TWF1: variants seen among roughly 807,000 people sequenced by gnomAD.
The protein encoded by TWF1 is twinfilin-1.
A neutral mutation model predicts 47.9 loss-of-function variants in TWF1; 14 were observed. That is an observed-to-expected ratio of 0.29 (90% CI 0.19 to 0.46). The LOEUF is 0.46. Among genes scored for constraint, TWF1 ranks in the 20% least tolerant of loss-of-function variants. The pLI is 1.00. For missense variants in TWF1, 281 were observed against 409.3 expected (o/e 0.69, Z 2.70); for synonymous variants, 96 against 139.2 (o/e 0.69, Z 2.18).
At chr12:43,795,808 A>G (rs369953983) in intron 8 of TWF1, 53 bp from the exon 9 acceptor site, 1 of 1,587,328 alleles carries the variant, frequency 6.3e-7, no homozygotes. Flanking sequence ...ACAAGCAACA[A>G]GCTGGTTTTC....
intron 5 of TWF1, chr12:43,798,492 AAATG>A (rs1287035219): frequency 4.5e-5 from 63 of 1,414,800 alleles, no homozygotes; most frequent in South Asian, 1.4e-4. Context: ...ACTTTTAAAA[AAATG>A]AATGGAGATT....
intron 5 of TWF1, among the ~76,000 whole-genome samples, chr12:43,798,772 G>A (rs904976084): frequency 1.3e-5 from 2 of 152,000 alleles, no homozygotes; most frequent in African/African-American, 2.4e-5. Flanking sequence ...AATGAACAGT[G>A]GTTTCAGCTA....
In TWF1 at chr12:43,797,817, C is replaced by T. The variant is rs745493693; in HGVS notation, c.500G>A (p.Gly167Asp). 9.9e-6 allele frequency: 16 copies of T among 1,613,108 alleles called. No homozygotes were observed. The highest frequency in any genetic ancestry group is 1.6e-4 in the Middle Eastern group (1 of 6,078). ...TAGTGTTTGATGCTTAGTGTCCACA[C>T]CCACGTCAGTCTGTACCTAAGTATG... ...IKINEVQTDV[G>D]VDTKHQTLQG... Residue 167 changes from glycine to aspartate, a missense_variant, in exon 6 of 9, where the codon GGT becomes GAT. Transcript: ENST00000395510.
chr12:43,803,465 A>G (rs1158628005), intron 2 of TWF1, among the ~76,000 whole-genome samples: 1 of 152,146 alleles, frequency 6.6e-6, no homozygotes, highest in African/African-American at 2.4e-5. Context: ...GGGGAGATAT[A>G]GGTATTTATG....
rs2138147326 is a variant in TWF1, at chr12:43,802,603, G to A, written c.104-139C>T. 3 of 649,694 alleles carry A rather than the reference G, an allele frequency of 4.6e-6. No individual in the cohort carries two copies. In the South Asian group the frequency reaches 6.4e-5, roughly 14 times the overall value. 40.2% of individuals were successfully genotyped at this position (649,694 alleles called of 1,614,324 possible). A position where few individuals can be genotyped will look rare whatever the true frequency, so the allele number is the denominator to read the frequency against. ...TCAAAAAGTTGAAAAGAAAAATGTGGTAACATAGAAAGTAATTATGACATA... is the reference window on the plus strand; with the variant it reads ...TCAAAAAGTTGAAAAGAAAAATGTGATAACATAGAAAGTAATTATGACATA... On this transcript the variant is annotated intron_variant, in intron 2 of 8. Coordinates refer to ENST00000395510, the MANE Select transcript of TWF1 (RefSeq NM_002822.5).
chr12:43,805,440 A>G (rs1417665251), intron 1 of TWF1: 1 of 415,036 alleles, frequency 2.4e-6, no homozygotes, highest in Non-Finnish European at 4.9e-6. Context: ...TATTAACAGT[A>G]AGAGCTTGAG....
At position 43,794,684 on chromosome 12, in the gene TWF1, A is replaced by C. The variant is rs1425607126; in HGVS notation, c.*901T>G. The C allele has an allele frequency of 6.6e-6, 1 of 151,840 alleles. No individual in the cohort carries two copies. The highest frequency in any genetic ancestry group is 1.5e-5 in the Non-Finnish European group (1 of 67,956). The allele number at this position is 151,840 out of a possible 1,614,324, so 9.4% of individuals were successfully genotyped here. ...AATACAGTATTAACTGAGATTATTA[A>C]GGTGTTTATCTACGTTAGCCTGTTA... On this transcript the variant is annotated 3_prime_UTR_variant, in exon 9 of 9. Transcript: ENST00000395510.
intron 1 of TWF1, 117 bp from the exon 2 acceptor site, chr12:43,804,689 A>C: frequency 1.7e-6 from 1 of 591,598 alleles, no homozygotes; most frequent in Non-Finnish European, 3.0e-6. Context: ...TAGCATCCTT[A>C]TTATCAGTAT....
At chr12:43,803,570 T>C (rs1942701889) in intron 2 of TWF1, among the ~76,000 whole-genome samples, 1 of 152,128 alleles carries the variant, frequency 6.6e-6, no homozygotes, top group African/African-American at 2.4e-5. Context: ...GTAGTGCCAT[T>C]TTCCTTCCGT....
At chr12:43,803,904 TATAACA>T (rs1942707556) in intron 2 of TWF1, among the ~76,000 whole-genome samples, 1 of 152,116 alleles carries the variant, frequency 6.6e-6, no homozygotes, top group East Asian at 1.9e-4. Flanking sequence ...ACTGAGTACC[TATAACA>T]ATAATTGTTC....
In TWF1 at chr12:43,794,563, CCTCT is replaced by C. The variant is rs1454062818; in HGVS notation, c.*1018_*1021del. ...GATTAAACATTAAGTGTTCTAGCTC[CCTCT>C]ATTTCAAGTATCAAAGAAATATGAG... On this transcript the variant is annotated 3_prime_UTR_variant, in exon 9 of 9. Coordinates refer to ENST00000395510, the MANE Select transcript of TWF1 (RefSeq NM_002822.5). The C allele has an allele frequency of 1.3e-5, 2 of 149,964 alleles. No homozygotes were observed. Among genetic ancestry groups the C allele is most frequent in the South Asian group, 2.2e-4 (1 of 4,634 alleles). 9.3% of individuals were successfully genotyped at this position (149,964 alleles called of 1,614,324 possible). A position where few individuals can be genotyped will look rare whatever the true frequency, so the allele number is the denominator to read the frequency against.
At chr12:43,806,141 C>T (rs1206051885) in intron 1 of TWF1, 80 bp downstream of exon 1, 11 of 1,531,208 alleles carry the variant, frequency 7.2e-6, no homozygotes, top group Non-Finnish European at 9.6e-6. Flanking sequence ...CGACTCCAGC[C>T]CTGCCGGTCC....
chr12:43,804,038 A>G, intron 2 of TWF1: 1 of 212,356 alleles, frequency 4.7e-6, no homozygotes, highest in South Asian at 6.2e-5. Context: ...TCCCAAAACA[A>G]GAAAGGGAAA....
intron 5 of TWF1, chr12:43,798,624 A>G: frequency 1.4e-6 from 2 of 1,468,814 alleles, no homozygotes; most frequent in Non-Finnish European, 9.0e-7. Context: ...AAACTCGTAA[A>G]AAAAAAAAAA....
At position 43,795,678 on chromosome 12, in the gene TWF1, C is replaced by T. The variant is rs1307834161; in HGVS notation, c.960G>A (p.Lys320=). Residue 320 remains lysine, a synonymous_variant, in exon 9 of 9, where the codon AAG becomes AAA. Coordinates refer to ENST00000395510, the MANE Select transcript of TWF1 (RefSeq NM_002822.5). The stretch of plus-strand genomic sequence containing the variant: ...GACCTTTTGGTTTTGCAAAACTTTG[C>T]TTGTGTGCATGCTGCTTGGGATGTA... The part of the protein sequence containing the change: ...EEVHPKQHAH[K]QSFAKPKGPA... 1.2e-6 allele frequency: 2 copies of T among 1,613,788 alleles called. No homozygotes were observed. The highest frequency in any genetic ancestry group is 1.7e-6 in the Non-Finnish European group (2 of 1,179,882).
intron 3 of TWF1, among the ~76,000 whole-genome samples, chr12:43,801,520 G>A (rs1210778354): frequency 6.6e-6 from 1 of 152,026 alleles, no homozygotes; most frequent in Non-Finnish European, 1.5e-5. Context: ...TATTAATTCT[G>A]TCTATTGTTC....
intron 3 of TWF1, among the ~76,000 whole-genome samples, chr12:43,801,108 T>C (rs1186869618): frequency 6.6e-6 from 1 of 152,164 alleles, no homozygotes; most frequent in Non-Finnish European, 1.5e-5. Flanking sequence ...TTCAAACTCA[T>C]AAGTTCAAGA....
In TWF1 at chr12:43,799,455, A is replaced by G. The variant is rs764797360; in HGVS notation, c.426T>C (p.Ser142=). Residue 142 remains serine, a synonymous_variant, in exon 5 of 9, where the codon TCT becomes TCC. Transcript: ENST00000395510. ...HGYKKYLLSQ[S]SPAPLTAAEE... ...CAGCTGCAGTCAGTGGGGCAGGGGA[A>G]GATTGTGACAGCAAGTATTTTTTAT... 1.9e-6 allele frequency: 3 copies of G among 1,610,380 alleles called. No homozygotes were observed. In the East Asian group the frequency reaches 6.7e-5, roughly 36 times the overall value.
Position 43,795,645 on chromosome 12 carries a change from T to C in TWF1, c.993A>G (p.Gly331=), listed in dbSNP as rs1471749416. 6.2e-7 allele frequency: 1 copy of C among 1,613,140 alleles called. No individual in the cohort carries two copies. The highest frequency in any genetic ancestry group is 1.7e-5 in the Admixed American group (1 of 60,026). Residue 331 remains glycine, a synonymous_variant, in exon 9 of 9, where the codon GGA becomes GGG. Transcript: ENST00000395510. ...TAATTAGTCTTCGAATTCCTCTTTT[T>C]CCTGCAGGACCTTTTGGTTTTGCAA... ...QSFAKPKGPA[G]KRGIRRLIRG...
Sources: allele counts gnomAD v4.1 joint callset (sites outside exome capture counted in the v4.1 genomes callset), GRCh38; gene constraint gnomAD v4.1.1; transcripts MANE v1.5; gene names NCBI Gene and HGNC (gene_info 2026-07-23, HGNC 2026-07-21).